The following SDK1 variants were observed in gnomAD, a reference collection of about 807,000 sequenced individuals.
SDK1 encodes protein sidekick-1.
In SDK1, 157 loss-of-function variants were observed where a neutral mutation model predicts 245.5. The ratio of observed to expected loss-of-function variants is 0.64; its 90% confidence interval spans 0.56 to 0.73. The LOEUF is 0.73. Among genes scored for constraint, SDK1 ranks in the 30% least tolerant of loss-of-function variants. The pLI is 0.00. For missense variants in SDK1, 3,583 were observed against 3,002.3 expected (o/e 1.19, Z -4.52); for synonymous variants, 1,647 against 1,278.5 (o/e 1.29, Z -6.15).
intron 7 of SDK1, among the ~76,000 whole-genome samples, chr7:3,955,959 C>T (rs1264374027): frequency 2.0e-5 from 3 of 152,214 alleles, no homozygotes; most frequent in Admixed American, 6.5e-5. Context: ...CTGCCATGGG[C>T]TCTGGGCCAT....
At chr7:4,123,768 A>G (rs1391684544) in intron 25 of SDK1, among the ~76,000 whole-genome samples, 1 of 152,152 alleles carries the variant, frequency 6.6e-6, no homozygotes, top group Non-Finnish European at 1.5e-5. Flanking sequence ...AGTGACAGGC[A>G]TCACTGGGGG....
intron 2 of SDK1, among the ~76,000 whole-genome samples, chr7:3,638,434 C>A (rs1436732637): frequency 1.3e-5 from 2 of 151,764 alleles, no homozygotes; most frequent in African/African-American, 4.8e-5. Flanking sequence ...CACATATACA[C>A]CATGGAATAC....
intron 5 of SDK1, among the ~76,000 whole-genome samples, chr7:3,868,908 G>A (rs1386930166): frequency 2.0e-5 from 3 of 152,218 alleles, no homozygotes; most frequent in Non-Finnish European, 2.9e-5. Context: ...TAAATGATGT[G>A]TACAGTATCA....
chr7:4,158,389 G>T, intron 30 of SDK1, 59 bp from the exon 31 acceptor site: 5 of 1,383,074 alleles, frequency 3.6e-6, no homozygotes, highest in Non-Finnish European at 4.1e-6. Flanking sequence ...CACCAGGAAT[G>T]CCTGAGGGCA....
At chr7:4,097,823 A>G (rs1191448400) in intron 22 of SDK1, among the ~76,000 whole-genome samples, 2 of 152,108 alleles carry the variant, frequency 1.3e-5, no homozygotes, top group Non-Finnish European at 2.9e-5. Flanking sequence ...TTTCTTTTTC[A>G]TAATAGGAGG....
intron 1 of SDK1, among the ~76,000 whole-genome samples, chr7:3,442,456 T>C (rs541034510): frequency 1.2e-4 from 18 of 152,276 alleles, no homozygotes; most frequent in African/African-American, 4.3e-4. Flanking sequence ...TCAGGACATA[T>C]TTATCCTTGA....
chr7:4,108,234 G>A (rs553770704), intron 22 of SDK1, among the ~76,000 whole-genome samples: 19 of 152,162 alleles, frequency 1.2e-4, no homozygotes, highest in Non-Finnish European at 2.2e-4. Flanking sequence ...GCCCTGATGG[G>A]GGATAGGGAG....
intron 4 of SDK1, among the ~76,000 whole-genome samples, chr7:3,742,255 C>G (rs1428354329): frequency 6.6e-6 from 1 of 151,748 alleles, no homozygotes; most frequent in Non-Finnish European, 1.5e-5. Context: ...TTATGTTACC[C>G]CAAAACACAC....
intron 4 of SDK1, among the ~76,000 whole-genome samples, chr7:3,680,677 T>C (rs1255706524): frequency 1.3e-5 from 2 of 152,206 alleles, no homozygotes; most frequent in Non-Finnish European, 2.9e-5. Context: ...CATCTTTTAA[T>C]TATTGTCAAG....
intron 9 of SDK1, 22 bp from the exon 10 acceptor site, chr7:3,967,296 T>C (rs760371036): frequency 6.3e-7 from 1 of 1,585,632 alleles, no homozygotes; most frequent in South Asian, 1.1e-5. Flanking sequence ...GCCCTGATCA[T>C]TTCATTTACT....
chr7:4,046,244 C>T (rs144338577), intron 17 of SDK1, among the ~76,000 whole-genome samples: 6 of 152,244 alleles, frequency 3.9e-5, no homozygotes, highest in East Asian at 3.9e-4. Flanking sequence ...CCACAGCACC[C>T]GGCCTGGATA....
At chr7:3,944,774 A>G (rs1780508554) in intron 5 of SDK1, among the ~76,000 whole-genome samples, 1 of 152,196 alleles carries the variant, frequency 6.6e-6, no homozygotes, top group Non-Finnish European at 1.5e-5. Context: ...ACAATGACAA[A>G]AAGAAAGGGA....
At chr7:3,390,971 C>T (rs1268217486) in intron 1 of SDK1, among the ~76,000 whole-genome samples, 1 of 152,184 alleles carries the variant, frequency 6.6e-6, no homozygotes, top group African/African-American at 2.4e-5. Flanking sequence ...GAAAATGTCA[C>T]TCTTCCACAG....
intron 1 of SDK1, among the ~76,000 whole-genome samples, chr7:3,605,422 G>T (rs565765595): frequency 5.6e-4 from 86 of 152,296 alleles, no homozygotes; most frequent in African/African-American, 2.0e-3. Flanking sequence ...TCAGTGAACT[G>T]CTGAGTCTCA....
chr7:3,728,381 G>C (rs1054215216), intron 4 of SDK1, among the ~76,000 whole-genome samples: 1 of 152,190 alleles, frequency 6.6e-6, no homozygotes, highest in Non-Finnish European at 1.5e-5. Context: ...ATTTCAAATA[G>C]CCCAGTTATT....
chr7:4,254,403 CCTAT>C (rs1289900092), intron 44 of SDK1, among the ~76,000 whole-genome samples: 1 of 152,052 alleles, frequency 6.6e-6, no homozygotes, highest in Non-Finnish European at 1.5e-5. Flanking sequence ...TACTATTGAG[CCTAT>C]CTAATGAATT....
chr7:3,548,172 C>G (rs1779289071), intron 1 of SDK1, among the ~76,000 whole-genome samples: 1 of 152,098 alleles, frequency 6.6e-6, no homozygotes, highest in Non-Finnish European at 1.5e-5. Context: ...ATTAGAGATT[C>G]AAGTATATAT....
At chr7:3,445,661 A>G (rs1007373406) in intron 1 of SDK1, among the ~76,000 whole-genome samples, 5 of 152,256 alleles carry the variant, frequency 3.3e-5, no homozygotes, top group South Asian at 2.1e-4. Context: ...GTGTGGTTCT[A>G]TGTCATTTTA....
At chr7:4,076,873 A>C (rs1780715897) in intron 20 of SDK1, 125 bp from the exon 21 acceptor site, 1 of 760,702 alleles carries the variant, frequency 1.3e-6, no homozygotes, top group Admixed American at 2.4e-5. Flanking sequence ...AGTGGCTCTA[A>C]GCTGCCTTCA....
Sources: gnomAD v4.1 joint callset for allele counts (sites outside exome capture counted in the v4.1 genomes callset) on GRCh38, gnomAD v4.1.1 for gene constraint, MANE v1.5 for transcripts, NCBI Gene and HGNC (gene_info 2026-07-23, HGNC 2026-07-21) for gene names.